CIMAP3: variants seen among roughly 807,000 people sequenced by gnomAD.
CIMAP3 encodes the protein ciliary microtubule associated protein 3.
the CIMAP3 span, among the ~76,000 whole-genome samples, chr1:111,330,758 A>T: frequency 1.4e-4 from 22 of 152,310 alleles, no homozygotes; most frequent in Middle Eastern, 3.4e-3. Flanking sequence ...GCCAAGGGTT[A>T]CTTGCTTGTC....
At chr1:111,327,490 CT>C in the CIMAP3 span, among the ~76,000 whole-genome samples, 1 of 150,850 alleles carries the variant, frequency 6.6e-6, no homozygotes, top group African/African-American at 2.4e-5. Flanking sequence ...AGGTCCCAGG[CT>C]TTTTTTTTAT....
At chr1:111,348,686 C>A in the CIMAP3 span, 5 of 1,523,728 alleles carry the variant, frequency 3.3e-6, no homozygotes, top group East Asian at 2.3e-5. Context: ...ACAAAAAAAG[C>A]AATAGGAGGA....
At chr1:111,352,607 C>A in the CIMAP3 span, 1 of 152,400 alleles carries the variant, frequency 6.6e-6, no homozygotes, top group African/African-American at 2.4e-5. Flanking sequence ...ATATACACTT[C>A]TTTTAATCTG....
the CIMAP3 span, among the ~76,000 whole-genome samples, chr1:111,341,390 G>A: frequency 2.6e-5 from 4 of 152,062 alleles, no homozygotes; most frequent in Non-Finnish European, 5.9e-5. Context: ...TCATCTGAAT[G>A]CGTCAAAGTA....
At chr1:111,348,346 G>A in the CIMAP3 span, 10 of 595,196 alleles carry the variant, frequency 1.7e-5, no homozygotes, top group Admixed American at 6.3e-5. Flanking sequence ...AACCACACCC[G>A]TATCTCGGTT....
At chr1:111,335,699 G>A in the CIMAP3 span, among the ~76,000 whole-genome samples, 2 of 152,356 alleles carry the variant, frequency 1.3e-5, no homozygotes, top group Non-Finnish European at 2.9e-5. Context: ...CAGTCCGGAA[G>A]CTCGAACTGG....
chr1:111,341,338 C>A, the CIMAP3 span, among the ~76,000 whole-genome samples: 2 of 151,690 alleles, frequency 1.3e-5, no homozygotes, highest in Non-Finnish European at 2.9e-5. Flanking sequence ...TGCACATGTA[C>A]CCTAAAACTT....
chr1:111,347,017 C>A, the CIMAP3 span: 15 of 1,613,752 alleles, frequency 9.3e-6, no homozygotes, highest in East Asian at 2.7e-4. Context: ...TAGGGGATCA[C>A]CCCACAGAGG....
the CIMAP3 span, chr1:111,351,166 G>GTTTT: frequency 4.7e-3 from 2,690 of 575,718 alleles, 31 homozygotes; most frequent in South Asian, 0.011. Flanking sequence ...ATAATGTACA[G>GTTTT]TTTTTTTTTT....
chr1:111,334,716 T>A, the CIMAP3 span, among the ~76,000 whole-genome samples: 2 of 152,180 alleles, frequency 1.3e-5, no homozygotes, highest in Non-Finnish European at 2.9e-5. Flanking sequence ...TTTTTAAAAA[T>A]TTTTAAAATG....
At chr1:111,346,710 G>A in the CIMAP3 span, 1 of 1,601,912 alleles carries the variant, frequency 6.2e-7, no homozygotes, top group Non-Finnish European at 8.6e-7. Flanking sequence ...TAGAGGGCAG[G>A]TAGGGGGAAG....
chr1:111,331,516 T>G, the CIMAP3 span, among the ~76,000 whole-genome samples: 1 of 152,238 alleles, frequency 6.6e-6, no homozygotes, highest in African/African-American at 2.4e-5. Flanking sequence ...CTTCATTCAT[T>G]GAATTATTCA....
chr1:111,338,404 C>T, the CIMAP3 span, among the ~76,000 whole-genome samples: 1 of 151,500 alleles, frequency 6.6e-6, no homozygotes, highest in South Asian at 2.1e-4. Flanking sequence ...TCAATGAATC[C>T]AGGAGCTGGT....
At chr1:111,347,961 G>T in the CIMAP3 span, among the ~76,000 whole-genome samples, 1 of 152,248 alleles carries the variant, frequency 6.6e-6, no homozygotes, top group African/African-American at 2.4e-5. Context: ...AAATATGCGT[G>T]TGAGTGTACC....
At chr1:111,347,280 A>G in the CIMAP3 span, among the ~76,000 whole-genome samples, 2 of 152,146 alleles carry the variant, frequency 1.3e-5, no homozygotes, top group African/African-American at 4.8e-5. Context: ...AGCTTCATAA[A>G]ATCCCTACTC....
chr1:111,345,107 G>A, the CIMAP3 span, among the ~76,000 whole-genome samples: 1 of 152,166 alleles, frequency 6.6e-6, no homozygotes, highest in Non-Finnish European at 1.5e-5. Context: ...GTTAAATATA[G>A]TCTATGACGT....
the CIMAP3 span, among the ~76,000 whole-genome samples, chr1:111,343,811 T>C: frequency 3.2e-4 from 48 of 152,324 alleles, no homozygotes; most frequent in African/African-American, 1.0e-3. Flanking sequence ...TGAACAGAGA[T>C]TGATGGGAAA....
the CIMAP3 span, chr1:111,347,705 T>C: frequency 6.2e-7 from 1 of 1,612,314 alleles, no homozygotes; most frequent in Non-Finnish European, 8.5e-7. Context: ...TTATCTAAGA[T>C]CCCAACCAGT....
chr1:111,337,602 C>A, the CIMAP3 span, among the ~76,000 whole-genome samples: 4 of 152,234 alleles, frequency 2.6e-5, no homozygotes, highest in African/African-American at 9.6e-5. Context: ...ACAAAGAAGG[C>A]CGTTACATAA....
Sources: allele counts gnomAD v4.1 joint callset (sites outside exome capture counted in the v4.1 genomes callset), GRCh38; gene constraint gnomAD v4.1.1; transcripts MANE v1.5; gene names NCBI Gene and HGNC (gene_info 2026-07-23, HGNC 2026-07-21).